Variants in RXRA observed in about 807,000 individuals in gnomAD.
The protein encoded by RXRA is retinoid X receptor alpha, also known as retinoic acid receptor RXR-alpha.
Under a neutral mutation model 44.5 loss-of-function variants are expected in RXRA, and 5 were observed. The observed-to-expected ratio is 0.11, with a 90% CI of 0.06 to 0.24. The LOEUF (loss-of-function observed/expected upper bound fraction) is 0.24, where lower values mean the gene tolerates loss of function less well. Among genes scored for constraint, RXRA ranks in the 10% least tolerant of loss-of-function variants. The pLI, the probability that RXRA is intolerant of heterozygous loss-of-function variation, is 1.00. For missense variants in RXRA, 412 were observed against 646.5 expected, an observed-to-expected ratio of 0.64 and a Z score of 3.93; for synonymous variants, 291 against 271.4, an observed-to-expected ratio of 1.07 and a Z score of -0.71.
chr9:134,416,688 C>T (rs1362923120), intron 4 of RXRA, among the ~76,000 whole-genome samples: 1 of 152,118 alleles, frequency 6.6e-6, no homozygotes, highest in Admixed American at 6.5e-5. Context: ...GGCCCTCAGC[C>T]AGCACGGGTG....
rs973723220 is a variant in RXRA, at chr9:134,439,976, C to T, written c.*3362C>T. The T allele has an allele frequency of 3.3e-5, 5 of 152,372 alleles. No homozygotes were observed. The highest frequency in any genetic ancestry group is 5.9e-5 in the Non-Finnish European group (4 of 68,026). 9.4% of individuals were successfully genotyped at this position (152,372 alleles called of 1,614,324 possible). On this transcript the variant is annotated 3_prime_UTR_variant, in exon 10 of 10. Transcript: ENST00000481739. ...ATGCTTTGGAGCAGACAGCTTTAGC[C>T]GTTCCCAATCCTTAGCAATGCCTTA...
chr9:134,408,327 G>A, intron 3 of RXRA, 28 bp downstream of exon 3: 1 of 1,577,708 alleles, frequency 6.3e-7, no homozygotes, highest in Non-Finnish European at 8.6e-7. Flanking sequence ...GCCAGGGGCT[G>A]GTGGGACAGG....
At chr9:134,353,302 G>A (rs537323629) in intron 1 of RXRA, among the ~76,000 whole-genome samples, 1 of 152,278 alleles carries the variant, frequency 6.6e-6, no homozygotes, top group Admixed American at 6.5e-5. Context: ...GGTGTGCAGA[G>A]GTGGGATCTC....
intron 1 of RXRA, among the ~76,000 whole-genome samples, chr9:134,330,704 G>A (rs1274229572): frequency 6.6e-6 from 1 of 152,240 alleles, no homozygotes; most frequent in African/African-American, 2.4e-5. Context: ...CCAGGAAGAG[G>A]TTCTGACAGG....
chr9:134,405,804 C>G (rs1442937827), intron 2 of RXRA: 1 of 152,660 alleles, frequency 6.6e-6, no homozygotes, highest in South Asian at 2.1e-4. Flanking sequence ...GCGAGGGTGC[C>G]CGACACTTCC....
chr9:134,421,925 C>T, intron 6 of RXRA, 120 bp downstream of exon 6: 2 of 1,528,332 alleles, frequency 1.3e-6, no homozygotes, highest in African/African-American at 2.8e-5. Flanking sequence ...GGGACACTCC[C>T]CCCTCCCAGG....
At chr9:134,416,472 C>T (rs997286095) in intron 4 of RXRA, among the ~76,000 whole-genome samples, 8 of 152,168 alleles carry the variant, frequency 5.3e-5, no homozygotes, top group Non-Finnish European at 5.9e-5. Flanking sequence ...AAAGGCATCT[C>T]GGTGCCCTGC....
intron 1 of RXRA, chr9:134,401,273 G>A (rs1033061391): frequency 2.1e-5 from 7 of 334,312 alleles, no homozygotes; most frequent in East Asian, 8.1e-5. Context: ...GACTAGTCCC[G>A]GCCACCAGCC....
intron 7 of RXRA, among the ~76,000 whole-genome samples, chr9:134,431,555 G>T (rs1831532216): frequency 6.6e-6 from 1 of 152,210 alleles, no homozygotes; most frequent in Non-Finnish European, 1.5e-5. Flanking sequence ...GGTTCGGGAG[G>T]GGTGGACTCT....
intron 4 of RXRA, among the ~76,000 whole-genome samples, chr9:134,414,959 G>A (rs542388050): frequency 6.6e-6 from 1 of 152,312 alleles, no homozygotes; most frequent in African/African-American, 2.4e-5. Context: ...CCCATGTGGG[G>A]GCTGACCGGA....
At chr9:134,385,638 C>T (rs1224660791) in intron 1 of RXRA, among the ~76,000 whole-genome samples, 2 of 152,198 alleles carry the variant, frequency 1.3e-5, no homozygotes, top group South Asian at 4.1e-4. Flanking sequence ...AGGGCCTGCG[C>T]GAGCGGTGGT....
intron 1 of RXRA, among the ~76,000 whole-genome samples, chr9:134,397,561 G>T (rs752996040): frequency 2.6e-5 from 4 of 152,136 alleles, no homozygotes; most frequent in Non-Finnish European, 5.9e-5. Flanking sequence ...TGTGAGAGGC[G>T]CCTTGGGGCT....
At chr9:134,326,684 G>GC in intron 1 of RXRA, 25 bp downstream of exon 1, 1 of 863,960 alleles carries the variant, frequency 1.2e-6, no homozygotes, top group Non-Finnish European at 1.4e-6. Context: ...GGCCGGGCGG[G>GC]GACGGGGCCG....
At chr9:134,418,435 C>T (rs1364835953) in intron 5 of RXRA, among the ~76,000 whole-genome samples, 1 of 152,190 alleles carries the variant, frequency 6.6e-6, no homozygotes, top group African/African-American at 2.4e-5. Flanking sequence ...CACCGAAGAC[C>T]TTATACAGGC....
intron 1 of RXRA, among the ~76,000 whole-genome samples, chr9:134,375,562 C>T (rs1326882749): frequency 6.6e-6 from 1 of 152,142 alleles, no homozygotes; most frequent in East Asian, 1.9e-4. Context: ...GGATGATCGG[C>T]CTGGCGGGAG....
chr9:134,357,797 A>T (rs901694812), intron 1 of RXRA, among the ~76,000 whole-genome samples: 2 of 152,240 alleles, frequency 1.3e-5, no homozygotes, highest in Non-Finnish European at 2.9e-5. Flanking sequence ...TTAGAAAATT[A>T]TGTGTAAATC....
intron 7 of RXRA, among the ~76,000 whole-genome samples, chr9:134,429,955 G>C (rs1831503852): frequency 6.6e-6 from 1 of 151,928 alleles, no homozygotes; most frequent in African/African-American, 2.4e-5. Flanking sequence ...GTGCAATCTT[G>C]GCTCACTGCA....
intron 1 of RXRA, among the ~76,000 whole-genome samples, chr9:134,345,872 T>C (rs1184621371): frequency 6.6e-6 from 1 of 152,176 alleles, no homozygotes; most frequent in African/African-American, 2.4e-5. Flanking sequence ...ATGGAATGGG[T>C]ACCCCCGGGT....
chr9:134,361,340 G>A (rs1229357909), intron 1 of RXRA, among the ~76,000 whole-genome samples: 2 of 152,132 alleles, frequency 1.3e-5, no homozygotes, highest in East Asian at 1.9e-4. Context: ...CCTCCCCTGA[G>A]CCCCCAAGCC....
Sources: allele counts gnomAD v4.1 joint callset (sites outside exome capture counted in the v4.1 genomes callset), GRCh38; gene constraint gnomAD v4.1.1; transcripts MANE v1.5; gene names NCBI Gene and HGNC (gene_info 2026-07-23, HGNC 2026-07-21).